Variants in ABI3BP observed in about 807,000 individuals in gnomAD.
ABI3BP encodes the protein ABI family member 3 binding protein.
In ABI3BP, 216 loss-of-function variants were observed where a neutral mutation model predicts 268.6. The observed-to-expected ratio is 0.80, with a 90% confidence interval of 0.72 to 0.90. The LOEUF (loss-of-function observed/expected upper bound fraction) is 0.90, where lower values mean the gene tolerates loss of function less well. ABI3BP is among the 40% of genes least tolerant of loss of function. The probability of loss-of-function intolerance (pLI) is 0.00; values close to 1 mark genes in which losing one functional copy is unlikely to be tolerated. For synonymous variants in ABI3BP, 730 were observed against 730.0 expected (o/e 1.00, Z 0.00); for missense variants, 2,090 against 2,182.4 (o/e 0.96, Z 0.84).
intron 55 of ABI3BP, 74 bp from the exon 56 acceptor site, chr3:100,789,590 G>A (rs1372811714): frequency 1.4e-6 from 2 of 1,431,424 alleles, no homozygotes; most frequent in African/African-American, 1.4e-5. Context: ...AGCATCCTAG[G>A]GACCAACAAC....
Position 100,912,054 on chromosome 3 carries a change from G to C in ABI3BP, c.260-9368C>G, listed in dbSNP as rs776442763. On this transcript the variant is annotated intron_variant, in intron 2 of 67. Transcript: ENST00000471714. ...CATCATCCATTTGGGAATCAGTAAT[G>C]CTATTCTTGCCTTCATCTTTTACTT... is the stretch of plus-strand genomic sequence containing the variant. 59 of 736,588 alleles carry C rather than the reference G, an allele frequency of 8.0e-5. No homozygotes were observed. In the Middle Eastern group the frequency reaches 1.4e-3, roughly 17 times the overall value. The allele number at this position is 736,588 out of a possible 1,614,324, so 45.6% of individuals were successfully genotyped here.
At chr3:100,785,067 AAAAAT>A (rs1318275153) in intron 57 of ABI3BP, among the ~76,000 whole-genome samples, 4 of 152,226 alleles carry the variant, frequency 2.6e-5, no homozygotes, top group Non-Finnish European at 5.9e-5. Flanking sequence ...AAAAATTTTA[AAAAAT>A]AAAATTAAAA....
chr3:100,791,647 G>C (rs1397550498), intron 55 of ABI3BP, among the ~76,000 whole-genome samples: 1 of 151,794 alleles, frequency 6.6e-6, no homozygotes. Context: ...AGACTTCTGT[G>C]TGTAATTATA....
At chr3:100,886,374 T>A in intron 4 of ABI3BP, 51 bp from the exon 5 acceptor site, 1 of 1,281,874 alleles carries the variant, frequency 7.8e-7, no homozygotes, top group East Asian at 2.9e-5. Context: ...GGATTCAGAA[T>A]GTTATTTCAA....
intron 1 of ABI3BP, chr3:100,945,632 GACTC>G (rs1471232763): frequency 2.2e-6 from 1 of 449,712 alleles, no homozygotes. Flanking sequence ...ATTTTTATGA[GACTC>G]ATCCATCCAT....
At chr3:100,815,814 C>A (rs959136716) in intron 44 of ABI3BP, 98 bp downstream of exon 44, 3 of 743,410 alleles carry the variant, frequency 4.0e-6, no homozygotes, top group East Asian at 5.6e-5. Flanking sequence ...GGAATAACAG[C>A]GTCTTAGGAA....
chr3:100,874,146 C>A (rs543225688), intron 9 of ABI3BP, among the ~76,000 whole-genome samples: 1 of 152,126 alleles, frequency 6.6e-6, no homozygotes, highest in African/African-American at 2.4e-5. Context: ...AATTCTCAGG[C>A]CCCATACCGG....
intron 1 of ABI3BP, among the ~76,000 whole-genome samples, chr3:100,955,397 T>A (rs1166480317): frequency 6.6e-6 from 1 of 152,362 alleles, no homozygotes; most frequent in South Asian, 2.1e-4. Flanking sequence ...AACATGTTCA[T>A]TGGGACTATT....
intron 53 of ABI3BP, among the ~76,000 whole-genome samples, chr3:100,795,526 A>G (rs2097320324): frequency 6.6e-6 from 1 of 152,078 alleles, no homozygotes; most frequent in Admixed American, 6.6e-5. Context: ...AAATTGTTAA[A>G]TGGGCACCAT....
chr3:100,937,600 C>T (rs532205131), intron 1 of ABI3BP, among the ~76,000 whole-genome samples: 29 of 152,094 alleles, frequency 1.9e-4, no homozygotes, highest in Admixed American at 3.3e-4. Context: ...ACAGACTCTC[C>T]GGATGGAAGG....
intron 63 of ABI3BP, among the ~76,000 whole-genome samples, chr3:100,761,752 C>T (rs2095963532): frequency 6.6e-6 from 1 of 152,098 alleles, no homozygotes; most frequent in Non-Finnish European, 1.5e-5. Flanking sequence ...CTTGTTTCTC[C>T]TGGGTTAAGT....
intron 2 of ABI3BP, among the ~76,000 whole-genome samples, chr3:100,915,082 T>C (rs1205049307): frequency 1.3e-5 from 2 of 152,112 alleles, no homozygotes; most frequent in Non-Finnish European, 2.9e-5. Context: ...TCTTGACCCA[T>C]CATAATGTTT....
intron 50 of ABI3BP, among the ~76,000 whole-genome samples, chr3:100,807,738 G>A (rs17337589): frequency 0.14 from 21,041 of 151,970 alleles, 1,895 homozygotes; most frequent in South Asian, 0.27. Context: ...TTCCTTTGCC[G>A]GTATCCTGGG....
intron 19 of ABI3BP, 147 bp from the exon 20 acceptor site, chr3:100,846,593 G>A (rs1042521570): frequency 3.6e-6 from 2 of 553,216 alleles, no homozygotes; most frequent in Non-Finnish European, 6.3e-6. Context: ...ATTCCATTAA[G>A]AGAATATTTC....
intron 46 of ABI3BP, 41 bp from the exon 47 acceptor site, chr3:100,811,840 C>A (rs975098980): frequency 1.5e-6 from 2 of 1,376,144 alleles, no homozygotes; most frequent in Non-Finnish European, 2.0e-6. Context: ...GGTGGCCAAC[C>A]CAAAGCACAC....
chr3:100,810,448 TTA>T lies in ABI3BP; in HGVS notation c.3569_3570del (p.Ile1190AsnfsTer7). 1 of 1,534,926 alleles carries T rather than the reference TTA, an allele frequency of 6.5e-7. No homozygotes were observed. The highest frequency in any genetic ancestry group is 8.7e-7 in the Non-Finnish European group (1 of 1,146,106). Reference protein sequence around the residue: ...LETSPLPSQSITLPSPDEPQT... With the variant: ...LETSPLPSQSXTLPSPDEPQT... ...TGAGGCTCATCTGGGCTGGGTAGGG[TTA>T]TAGATTGAGAAGGCAGAGGCGACGT... On this transcript the variant is annotated frameshift_variant, in exon 49 of 68. Coordinates refer to ENST00000471714, the MANE Select transcript of ABI3BP (RefSeq NM_001375547.2). LOFTEE classifies it high-confidence loss of function.
Position 100,749,698 on chromosome 3 carries a change from T to G in ABI3BP, c.*797A>C. 1 of 398,474 alleles carries G rather than the reference T, an allele frequency of 2.5e-6. No individual in the cohort carries two copies. Among genetic ancestry groups the G allele is most frequent in the East Asian group, 3.6e-5 (1 of 27,966 alleles). 24.7% of individuals were successfully genotyped at this position (398,474 alleles called of 1,614,324 possible). ...TGCTCAGACTTGACTTCACATTCAG[T>G]CTCTACATACAGCTTGATTAGAATC... On this transcript the variant is annotated 3_prime_UTR_variant, in exon 68 of 68. Coordinates refer to ENST00000471714, the MANE Select transcript of ABI3BP (RefSeq NM_001375547.2).
intron 35 of ABI3BP, among the ~76,000 whole-genome samples, chr3:100,825,322 T>C (rs2098356076): frequency 6.6e-6 from 1 of 151,972 alleles, no homozygotes; most frequent in Non-Finnish European, 1.5e-5. Context: ...GTTGTCAAAC[T>C]AGTAATAAGA....
chr3:100,981,735 G>A (rs990077972), intron 1 of ABI3BP, among the ~76,000 whole-genome samples: 1 of 152,164 alleles, frequency 6.6e-6, no homozygotes, highest in Non-Finnish European at 1.5e-5. Flanking sequence ...GATGCTCATG[G>A]CAAGAATTAT....
Sources: gnomAD v4.1 joint callset for allele counts (sites outside exome capture counted in the v4.1 genomes callset) on GRCh38, gnomAD v4.1.1 for gene constraint, MANE v1.5 for transcripts, NCBI Gene and HGNC (gene_info 2026-07-23, HGNC 2026-07-21) for gene names.